FBXL17: variants seen among roughly 807,000 people sequenced by gnomAD.
FBXL17 encodes the protein F-box and leucine rich repeat protein 17.
Under a neutral mutation model 66.2 loss-of-function variants are expected in FBXL17, and 22 were observed. The observed-to-expected ratio is 0.33, with a 90% CI of 0.24 to 0.47. The LOEUF (loss-of-function observed/expected upper bound fraction) is 0.47. Among genes scored for constraint, FBXL17 ranks in the 20% least tolerant of loss-of-function variants. The pLI is 1.00. For synonymous variants in FBXL17, 474 were observed against 400.5 expected (o/e 1.18, Z -2.19); for missense variants, 878 against 948.2 (o/e 0.93, Z 0.97).
intron 4 of FBXL17, among the ~76,000 whole-genome samples, chr5:108,345,244 G>A (rs1747195589): frequency 6.6e-6 from 1 of 151,912 alleles, no homozygotes; most frequent in African/African-American, 2.4e-5. Flanking sequence ...GGCTGAGGCA[G>A]GAGAATTGCT....
In FBXL17 at chr5:108,181,305, T is replaced by C. The variant is rs1245842208; in HGVS notation, c.1745+4812A>G. Among the ~76,000 whole-genome samples, 5 of 152,138 alleles carry C rather than the reference T, an allele frequency of 3.3e-5. No homozygotes were observed. The South Asian group carries it at 6.2e-4, about 19-fold the overall frequency. ...GTTTAATTTAAATCACTGATAGAAA[T>C]AGTCAGTGTCCTCTTTTCATAAAAC... On this transcript the variant is annotated intron_variant, in intron 6 of 8. Transcript: ENST00000542267.
chr5:108,006,735 G>C (rs767652826), intron 7 of FBXL17, among the ~76,000 whole-genome samples: 2 of 152,192 alleles, frequency 1.3e-5, no homozygotes, highest in Non-Finnish European at 2.9e-5. Flanking sequence ...GCAGCTTTAA[G>C]TGTGCAGCAG....
intron 8 of FBXL17, among the ~76,000 whole-genome samples, chr5:107,871,364 C>A (rs188106646): frequency 6.6e-6 from 1 of 152,316 alleles, no homozygotes; most frequent in Non-Finnish European, 1.5e-5. Context: ...ATGGGGATCA[C>A]AGAAACGCCT....
intron 7 of FBXL17, among the ~76,000 whole-genome samples, chr5:107,884,226 C>G (rs1222878472): frequency 6.6e-6 from 1 of 152,124 alleles, no homozygotes; most frequent in Non-Finnish European, 1.5e-5. Context: ...ATGGACTGAC[C>G]ACTGTAGGAC....
At chr5:108,098,745 A>AT (rs1749486124) in intron 6 of FBXL17, among the ~76,000 whole-genome samples, 2 of 87,944 alleles carry the variant, frequency 2.3e-5, no homozygotes, top group African/African-American at 8.5e-5. Flanking sequence ...ACTCTGTCTC[A>AT]TAAAAAAAAA....
In FBXL17 at chr5:107,881,094, G is replaced by A; in HGVS notation, c.1908C>T (p.Thr636=). The A allele has an allele frequency of 6.2e-7, 1 of 1,613,962 alleles. No homozygotes were observed. Among genetic ancestry groups the A allele is most frequent in the Non-Finnish European group, 8.5e-7 (1 of 1,179,964 alleles). ...WCKEITDQGA[T]LIAQSSKSLR... is the part of the protein sequence containing the mutation. ...GAGACTTGCTGCTCTGTGCAATCAG[G>A]GTGGCTCCTTGGTCTGTGATTTCTT... is the stretch of plus-strand genomic sequence containing the variant. The change falls in exon 8 of 9, where the codon ACC becomes ACT. Residue 636 remains threonine (T), a synonymous_variant. Transcript: ENST00000542267.
chr5:108,019,086 G>A (rs939848910), intron 7 of FBXL17, among the ~76,000 whole-genome samples: 2 of 152,118 alleles, frequency 1.3e-5, no homozygotes, highest in African/African-American at 4.8e-5. Flanking sequence ...AGTGAATCTT[G>A]TTTTTATCCC....
chr5:108,140,362 C>T (rs1032426254), intron 6 of FBXL17, among the ~76,000 whole-genome samples: 1 of 152,102 alleles, frequency 6.6e-6, no homozygotes. Context: ...ATGTCTTTTG[C>T]TAAGAAAAGA....
chr5:108,025,115 G>A (rs754405527), intron 6 of FBXL17, among the ~76,000 whole-genome samples: 8 of 152,144 alleles, frequency 5.3e-5, no homozygotes, highest in Non-Finnish European at 8.8e-5. Flanking sequence ...AAGAACTAAT[G>A]AGGAAATATG....
chr5:108,327,104 A>G (rs549540044), intron 4 of FBXL17, among the ~76,000 whole-genome samples: 1 of 152,356 alleles, frequency 6.6e-6, no homozygotes, highest in East Asian at 1.9e-4. Context: ...GGATGAGCAC[A>G]TTGTTTTATG....
chr5:108,114,271 T>G (rs1750152710), intron 6 of FBXL17, among the ~76,000 whole-genome samples: 1 of 152,228 alleles, frequency 6.6e-6, no homozygotes, highest in African/African-American at 2.4e-5. Context: ...AGTAACCATT[T>G]GCTTACTCTT....
At chr5:108,213,368 C>T (rs926284787) in intron 5 of FBXL17, among the ~76,000 whole-genome samples, 10 of 152,190 alleles carry the variant, frequency 6.6e-5, no homozygotes. Flanking sequence ...GCAGTTAGTT[C>T]GGTGTCTGCC....
chr5:108,204,977 C>T (rs1015048730), intron 5 of FBXL17, among the ~76,000 whole-genome samples: 4 of 151,828 alleles, frequency 2.6e-5, no homozygotes, highest in Non-Finnish European at 4.4e-5. Flanking sequence ...GTGGTGTGAT[C>T]GAAACTTACT....
intron 5 of FBXL17, among the ~76,000 whole-genome samples, chr5:108,198,288 T>G (rs1300825617): frequency 6.6e-6 from 1 of 152,092 alleles, no homozygotes; most frequent in African/African-American, 2.4e-5. Context: ...CCAAAATGTA[T>G]ACATAATTCT....
intron 7 of FBXL17, among the ~76,000 whole-genome samples, chr5:107,991,930 T>G (rs1753266903): frequency 6.6e-6 from 1 of 152,106 alleles, no homozygotes; most frequent in African/African-American, 2.4e-5. Flanking sequence ...GTAGAGAGAT[T>G]TAATCATAGT....
intron 1 of FBXL17, among the ~76,000 whole-genome samples, chr5:108,378,259 A>G (rs1011474264): frequency 6.7e-6 from 1 of 149,904 alleles, no homozygotes; most frequent in Admixed American, 6.7e-5. Context: ...TAGCTTTCCC[A>G]AAAAACATCC....
chr5:108,267,220 C>T (rs897584894), intron 4 of FBXL17, among the ~76,000 whole-genome samples: 1 of 151,560 alleles, frequency 6.6e-6, no homozygotes, highest in Non-Finnish European at 1.5e-5. Context: ...TAAATAATAA[C>T]GAAAAATCAA....
intron 6 of FBXL17, among the ~76,000 whole-genome samples, chr5:108,056,937 C>T (rs1311603542): frequency 6.6e-6 from 1 of 152,174 alleles, no homozygotes; most frequent in Non-Finnish European, 1.5e-5. Context: ...TAGACAGTTG[C>T]AATAGACAGA....
intron 6 of FBXL17, among the ~76,000 whole-genome samples, chr5:108,090,061 T>A (rs562795020): frequency 6.6e-6 from 1 of 152,204 alleles, no homozygotes; most frequent in East Asian, 1.9e-4. Flanking sequence ...ACTCCCAAGC[T>A]CAAGCAATCT....
Sources: gnomAD v4.1 joint callset for allele counts (sites outside exome capture counted in the v4.1 genomes callset) on GRCh38, gnomAD v4.1.1 for gene constraint, MANE v1.5 for transcripts, NCBI Gene and HGNC (gene_info 2026-07-23, HGNC 2026-07-21) for gene names.